Variants in SLC6A12 observed in about 807,000 individuals in gnomAD.
SLC6A12 encodes sodium- and chloride-dependent betaine transporter.
In SLC6A12, 50 loss-of-function variants were observed where a neutral mutation model predicts 73.3. That is an observed-to-expected ratio of 0.68 (90% CI 0.54 to 0.86). The LOEUF (loss-of-function observed/expected upper bound fraction) is 0.86, where lower values mean the gene tolerates loss of function less well. SLC6A12 is among the 40% of genes least tolerant of loss of function. The pLI is 0.00. For synonymous variants in SLC6A12, 304 were observed against 309.2 expected (o/e 0.98, Z 0.18); for missense variants, 648 against 772.8 (o/e 0.84, Z 1.92).
chr12:189,353 T>C (rs569134421), downstream of SLC6A12, among the ~76,000 whole-genome samples: 1 of 152,324 alleles, frequency 6.6e-6, no homozygotes, highest in East Asian at 1.9e-4. Flanking sequence ...AGCATCTGGC[T>C]GAAGCCGTTG....
chr12:189,419 C>A (rs1236280239), downstream of SLC6A12, among the ~76,000 whole-genome samples: 1 of 152,192 alleles, frequency 6.6e-6, no homozygotes, highest in African/African-American at 2.4e-5. Flanking sequence ...GTCCAAGGAG[C>A]GAGGGCACAG....
Position 198,708 on chromosome 12 carries a change from C to T in SLC6A12, c.846+89G>A. 8.6e-7 allele frequency: 1 copy of T among 1,167,518 alleles called. No homozygotes were observed. The highest frequency in any genetic ancestry group is 1.7e-5 in the South Asian group (1 of 57,232). 72.3% of individuals were successfully genotyped at this position (1,167,518 alleles called of 1,614,324 possible). A position where few individuals can be genotyped will look rare whatever the true frequency, so the allele number is the denominator to read the frequency against. On this transcript the variant is annotated intron_variant, in intron 8 of 15. Transcript: ENST00000684302. This position sits in a 1 kb window ranked among gnomAD's most constrained non-coding sequence, Gnocchi z 4.0. ...CAGTGGGCATTTATTGCTTTTAAACCAAGGAAAAAGCTATACAAGACTTTC... is the reference window on the plus strand; with the variant it reads ...CAGTGGGCATTTATTGCTTTTAAACTAAGGAAAAAGCTATACAAGACTTTC...
downstream of SLC6A12, among the ~76,000 whole-genome samples, chr12:188,998 G>C (rs1939496275): frequency 6.6e-6 from 1 of 152,244 alleles, no homozygotes; most frequent in African/African-American, 2.4e-5. Context: ...TAAAGCCAGG[G>C]GGTCTGGGGC....
chr12:187,447 T>C (rs1487954579), downstream of SLC6A12, among the ~76,000 whole-genome samples: 3 of 151,742 alleles, frequency 2.0e-5, no homozygotes, highest in South Asian at 2.1e-4. Context: ...GCGGCGCGTC[T>C]GGAGTTTTTT....
chr12:189,666 C>G (rs1183023163), downstream of SLC6A12, among the ~76,000 whole-genome samples: 1 of 152,180 alleles, frequency 6.6e-6, no homozygotes, highest in Non-Finnish European at 1.5e-5. Flanking sequence ...CCCTCTCCTC[C>G]CTTCCCTTCT....
At chr12:189,652 C>T (rs1192627454), downstream of SLC6A12, among the ~76,000 whole-genome samples, 1 of 152,194 alleles carries the variant, frequency 6.6e-6, no homozygotes, top group African/African-American at 2.4e-5. Flanking sequence ...TCCCCAGCCC[C>T]AGTCCCTCTC....
the SLC6A12 span, among the ~76,000 whole-genome samples, chr12:184,005 AAAG>A: frequency 5.3e-5 from 8 of 152,310 alleles, no homozygotes; most frequent in South Asian, 6.2e-4. Context: ...GGTATGAGAA[AAAG>A]AAGACTACCA....
chr12:195,589 G>A (rs1422014544), intron 12 of SLC6A12, among the ~76,000 whole-genome samples: 1 of 152,212 alleles, frequency 6.6e-6, no homozygotes, highest in Non-Finnish European at 1.5e-5. Flanking sequence ...TCTGGAAAGT[G>A]ACACCCCCTC....
At chr12:211,410 T>C (rs964807025) in intron 2 of SLC6A12, among the ~76,000 whole-genome samples, 2 of 152,206 alleles carry the variant, frequency 1.3e-5, no homozygotes, top group Non-Finnish European at 1.5e-5. Context: ...TATTGGGACC[T>C]ACTCAGAGCC....
At chr12:200,858 G>C in intron 6 of SLC6A12, 75 bp from the exon 7 acceptor site, 1 of 1,482,778 alleles carries the variant, frequency 6.7e-7, no homozygotes, top group East Asian at 2.3e-5. Context: ...CAAGTCTCCT[G>C]ATTCTCAGAG....
At chr12:197,180 T>C (rs1448069748) in intron 10 of SLC6A12, among the ~76,000 whole-genome samples, 197 bp downstream of exon 10, 22 of 57,154 alleles carry the variant, frequency 3.8e-4, no homozygotes, top group African/African-American at 1.2e-3. Context: ...CATCCATCCA[T>C]CCATCCATCC....
chr12:192,397 G>T, intron 15 of SLC6A12, 81 bp downstream of exon 15: 2 of 1,261,430 alleles, frequency 1.6e-6, no homozygotes, highest in South Asian at 1.3e-5. Context: ...CTGCTCCCTG[G>T]CCCCAGTTGT....
chr12:194,141 A>G (rs1458113075), intron 13 of SLC6A12: 1 of 152,300 alleles, frequency 6.6e-6, no homozygotes, highest in African/African-American at 2.4e-5. Flanking sequence ...AGCCAAAGTT[A>G]AAAGCCAGAT....
intron 7 of SLC6A12, among the ~76,000 whole-genome samples, chr12:199,240 T>C (rs2137142735): frequency 6.6e-6 from 1 of 152,372 alleles, no homozygotes; most frequent in South Asian, 2.1e-4. Flanking sequence ...TTATTTTTAG[T>C]CAACATGTAC....
In SLC6A12 at chr12:200,733, C is replaced by T. The variant is rs751777813; in HGVS notation, c.629G>A (p.Arg210His). 5 of 1,613,936 alleles carry T rather than the reference C, an allele frequency of 3.1e-6. No individual in the cohort carries two copies. The highest frequency in any genetic ancestry group is 1.7e-5 in the Admixed American group (1 of 60,004). The change falls in exon 7 of 16, where the codon CGC (arginine) becomes CAC (histidine). Residue 210 changes from arginine to histidine, a missense_variant. Transcript: ENST00000684302. ...CAGGAGGCACAGGGCCAGCTCCCAG[C>T]GCAGGGAGCCCAGGTCATGGATGCC... ...TSGIHDLGSL[R>H]WELALCLLLA...
chr12:210,115 T>G, intron 2 of SLC6A12, 72 bp from the exon 3 acceptor site: 1 of 1,451,934 alleles, frequency 6.9e-7, no homozygotes, highest in South Asian at 1.4e-5. Flanking sequence ...CATCCCGATC[T>G]CCGCTGTCAG....
chr12:197,146 C>CATCCATCCATCCATCCATCCATCCATCT (rs1939930341), intron 10 of SLC6A12, among the ~76,000 whole-genome samples: 1 of 95,456 alleles, frequency 1.0e-5, no homozygotes, highest in Non-Finnish European at 2.4e-5. Context: ...TCCATCCATC[C>CATCCATCCATCCATCCATCCATCCATCT]ATCCATCCAT....
At chr12:207,897 C>T (rs1940728040) in intron 3 of SLC6A12, among the ~76,000 whole-genome samples, 1 of 152,130 alleles carries the variant, frequency 6.6e-6, no homozygotes. Flanking sequence ...GTAACCGGAT[C>T]CGATATTCCA....
chr12:204,141 G>A (rs1000546931), intron 4 of SLC6A12: 1 of 207,734 alleles, frequency 4.8e-6, no homozygotes, highest in Non-Finnish European at 9.8e-6. Context: ...AGCTGAGCGG[G>A]ACATTTACAC....
Sources: allele counts gnomAD v4.1 joint callset (sites outside exome capture counted in the v4.1 genomes callset), GRCh38; gene constraint gnomAD v4.1.1; non-coding constraint Gnocchi (gnomAD v3.1); transcripts MANE v1.5; gene names NCBI Gene and HGNC (gene_info 2026-07-23, HGNC 2026-07-21).